The following CCSER1 variants were observed in gnomAD, a reference collection of about 807,000 sequenced individuals.
The protein encoded by CCSER1 is serine-rich coiled-coil domain-containing protein 1.
A neutral mutation model predicts 82.0 loss-of-function variants in CCSER1; 41 were observed. The ratio of observed to expected loss-of-function variants is 0.50; its 90% confidence interval spans 0.39 to 0.65. The LOEUF is 0.65. Among genes scored for constraint, CCSER1 ranks in the 30% least tolerant of loss-of-function variants. CCSER1 has a pLI of 0.00. For synonymous variants in CCSER1, 414 were observed against 383.9 expected, an observed-to-expected ratio of 1.08 and a Z score of -0.92; for missense variants, 1,119 against 1,064.2, an observed-to-expected ratio of 1.05 and a Z score of -0.72.
chr4:91,095,773 C>T (rs1006922865), intron 10 of CCSER1, among the ~76,000 whole-genome samples: 1 of 152,080 alleles, frequency 6.6e-6, no homozygotes, highest in Non-Finnish European at 1.5e-5. Flanking sequence ...TTCAGCCCTT[C>T]AATTAATGCC....
chr4:91,169,243 T>A (rs1450520811), intron 10 of CCSER1, among the ~76,000 whole-genome samples: 1 of 151,932 alleles, frequency 6.6e-6, no homozygotes, highest in East Asian at 1.9e-4. Context: ...AGATGAGTTG[T>A]TGCTAGCCCA....
At chr4:90,803,436 C>T (rs950327159) in intron 7 of CCSER1, among the ~76,000 whole-genome samples, 2 of 152,072 alleles carry the variant, frequency 1.3e-5, no homozygotes, top group Admixed American at 1.3e-4. Flanking sequence ...TGTTAAACTC[C>T]CACTGATTAG....
intron 9 of CCSER1, among the ~76,000 whole-genome samples, chr4:91,031,053 G>T (rs938545784): frequency 2.0e-5 from 3 of 152,138 alleles, no homozygotes; most frequent in Admixed American, 6.6e-5. Flanking sequence ...AGAAGCAAAA[G>T]CATATTTCTA....
chr4:90,656,024 C>T (rs1579751923), intron 6 of CCSER1, among the ~76,000 whole-genome samples: 3 of 151,986 alleles, frequency 2.0e-5, no homozygotes, highest in East Asian at 3.9e-4. Flanking sequence ...TAATTTCTTT[C>T]ATTCTCTTCT....
At chr4:90,861,905 CATAT>C (rs1433929339) in intron 8 of CCSER1, among the ~76,000 whole-genome samples, 7 of 139,404 alleles carry the variant, frequency 5.0e-5, no homozygotes, top group African/African-American at 7.8e-5. Flanking sequence ...TATGATGACT[CATAT>C]ATATATATAT....
At chr4:91,386,891 C>T (rs1751333548) in intron 10 of CCSER1, among the ~76,000 whole-genome samples, 1 of 151,826 alleles carries the variant, frequency 6.6e-6, no homozygotes, top group Non-Finnish European at 1.5e-5. Context: ...CCCTCATATT[C>T]TTCAAAAATG....
chr4:90,448,419 G>A (rs1202320937), intron 4 of CCSER1, among the ~76,000 whole-genome samples: 3 of 114,404 alleles, frequency 2.6e-5, no homozygotes, highest in Non-Finnish European at 3.6e-5. Flanking sequence ...TTATCAGACT[G>A]CTTTTTTTTT....
chr4:90,172,298 A>G (rs762149423), intron 1 of CCSER1, among the ~76,000 whole-genome samples: 48 of 151,904 alleles, frequency 3.2e-4, no homozygotes, highest in Non-Finnish European at 4.6e-4. Context: ...AATAGGATAA[A>G]GATATACCCA....
At chr4:91,463,962 T>A (rs1341350436) in intron 10 of CCSER1, among the ~76,000 whole-genome samples, 2 of 152,140 alleles carry the variant, frequency 1.3e-5, no homozygotes, top group African/African-American at 4.8e-5. Flanking sequence ...TTCCCCAACC[T>A]AGCAAGGCAG....
intron 9 of CCSER1, among the ~76,000 whole-genome samples, chr4:91,063,338 T>C (rs1282364562): frequency 2.6e-5 from 4 of 152,148 alleles, no homozygotes; most frequent in Non-Finnish European, 5.9e-5. Flanking sequence ...AGATAAGGCA[T>C]GTGATGTAAT....
chr4:91,214,102 T>C (rs1010601500), intron 10 of CCSER1, among the ~76,000 whole-genome samples: 3 of 152,098 alleles, frequency 2.0e-5, no homozygotes, highest in Non-Finnish European at 4.4e-5. Context: ...CTCCCTCCTG[T>C]CACCAAAAAG....
chr4:91,163,466 G>A (rs909218595), intron 10 of CCSER1, among the ~76,000 whole-genome samples: 4 of 152,058 alleles, frequency 2.6e-5, no homozygotes, highest in Non-Finnish European at 5.9e-5. Context: ...GCAGAGCTGA[G>A]TTCAATTCCT....
At chr4:90,338,191 T>C (rs1445596345) in intron 3 of CCSER1, among the ~76,000 whole-genome samples, 2 of 152,230 alleles carry the variant, frequency 1.3e-5, no homozygotes, top group African/African-American at 4.8e-5. Flanking sequence ...ACTATCTTCA[T>C]GCTTCCCACT....
chr4:91,196,786 G>C (rs1735472978), intron 10 of CCSER1, among the ~76,000 whole-genome samples: 1 of 152,094 alleles, frequency 6.6e-6, no homozygotes, highest in African/African-American at 2.4e-5. Flanking sequence ...TAACTCTTTT[G>C]GCTCCTGTAA....
intron 10 of CCSER1, among the ~76,000 whole-genome samples, chr4:91,499,429 T>A (rs999488331): frequency 6.6e-6 from 1 of 152,006 alleles, no homozygotes; most frequent in Non-Finnish European, 1.5e-5. Context: ...GTGGACATCC[T>A]GTAACACAGT....
At chr4:91,097,513 A>T (rs1308972154) in intron 10 of CCSER1, among the ~76,000 whole-genome samples, 1 of 152,196 alleles carries the variant, frequency 6.6e-6, no homozygotes, top group Non-Finnish European at 1.5e-5. Context: ...AAAGGTTAAT[A>T]TTGGTACACT....
chr4:91,017,811 TTGTGTGTGTGTG>T (rs34719158), intron 9 of CCSER1, among the ~76,000 whole-genome samples: 1 of 143,910 alleles, frequency 6.9e-6, no homozygotes, highest in South Asian at 2.2e-4. Flanking sequence ...GGTTTTTAAA[TTGTGTGTGTGTG>T]TGTGTGTGTG....
At chr4:90,874,870 AC>A (rs1429174296) in intron 8 of CCSER1, among the ~76,000 whole-genome samples, 3 of 152,134 alleles carry the variant, frequency 2.0e-5, no homozygotes, top group African/African-American at 4.8e-5. Flanking sequence ...ACATGGTGAA[AC>A]CCCGTCTCCA....
intron 1 of CCSER1, among the ~76,000 whole-genome samples, chr4:90,157,339 A>C (rs2153360522): frequency 6.6e-6 from 1 of 152,126 alleles, no homozygotes; most frequent in East Asian, 1.9e-4. Flanking sequence ...GGTGAATCTG[A>C]CAATTATGTG....
Sources: allele counts gnomAD v4.1 joint callset (sites outside exome capture counted in the v4.1 genomes callset), GRCh38; gene constraint gnomAD v4.1.1; transcripts MANE v1.5; gene names NCBI Gene and HGNC (gene_info 2026-07-23, HGNC 2026-07-21).